The following PACSIN2 variants were observed in gnomAD, a reference collection of about 807,000 sequenced individuals.
The protein encoded by PACSIN2 is protein kinase C and casein kinase substrate in neurons protein 2.
PACSIN2 carries 25 observed loss-of-function variants against 63.8 expected under a neutral mutation model. The ratio of observed to expected loss-of-function variants is 0.39; its 90% CI spans 0.29 to 0.55. PACSIN2 has a LOEUF of 0.55. Among genes scored for constraint, PACSIN2 ranks in the 20% least tolerant of loss-of-function variants. The probability of loss-of-function intolerance (pLI) is 0.62; values close to 1 mark genes in which losing one functional copy is unlikely to be tolerated. For missense variants in PACSIN2, 518 were observed against 646.9 expected (o/e 0.80, Z 2.16); for synonymous variants, 255 against 256.2 (o/e 1.00, Z 0.05).
chr22:42,958,461 C>T (rs1934003276), intron 1 of PACSIN2, among the ~76,000 whole-genome samples: 1 of 152,110 alleles, frequency 6.6e-6, no homozygotes, highest in African/African-American at 2.4e-5. Context: ...AATCTCATAC[C>T]TGTAAAAATG....
At chr22:42,878,650 A>C (rs892789215) in intron 8 of PACSIN2, among the ~76,000 whole-genome samples, 1 of 152,168 alleles carries the variant, frequency 6.6e-6, no homozygotes, top group Non-Finnish European at 1.5e-5. Context: ...GTGAGCATGA[A>C]CCTCGGCAGG....
intron 1 of PACSIN2, among the ~76,000 whole-genome samples, chr22:43,010,360 G>C (rs775322804): frequency 9.7e-5 from 13 of 134,250 alleles, no homozygotes; most frequent in Non-Finnish European, 2.0e-4. Context: ...CAAACATGGC[G>C]GAATCCCATC....
chr22:42,888,171 C>T (rs949611639), intron 5 of PACSIN2, among the ~76,000 whole-genome samples: 2 of 152,148 alleles, frequency 1.3e-5, no homozygotes, highest in African/African-American at 2.4e-5. Context: ...TGGTCAGCAG[C>T]ATCCTAAGCT....
intron 1 of PACSIN2, among the ~76,000 whole-genome samples, chr22:42,937,862 G>A (rs1043463975): frequency 6.6e-6 from 1 of 152,154 alleles, no homozygotes. Flanking sequence ...CCCCGCAGGG[G>A]GACCCTTCTC....
chr22:42,971,078 A>T (rs1921222545), intron 1 of PACSIN2, among the ~76,000 whole-genome samples: 1 of 152,074 alleles, frequency 6.6e-6, no homozygotes, highest in Admixed American at 6.5e-5. Context: ...ATTACAAACC[A>T]CCATGATAAA....
intron 1 of PACSIN2, among the ~76,000 whole-genome samples, chr22:42,988,415 C>T (rs1922784214): frequency 6.6e-6 from 1 of 152,202 alleles, no homozygotes; most frequent in Non-Finnish European, 1.5e-5. Context: ...CAAGGTACAA[C>T]TCAACCTTCT....
intron 1 of PACSIN2, among the ~76,000 whole-genome samples, chr22:42,989,867 A>AAT (rs72245261): frequency 0.01 from 1,314 of 125,152 alleles, 19 homozygotes; most frequent in African/African-American, 0.038. Flanking sequence ...GGGAAAAAAA[A>AAT]ATATATATAT....
Position 42,876,117 on chromosome 22 carries a change from T to G in PACSIN2, c.1348+20A>C. 1 of 1,597,418 alleles carries G rather than the reference T, an allele frequency of 6.3e-7. No individual in the cohort carries two copies. Among genetic ancestry groups the G allele is most frequent in the Non-Finnish European group, 8.6e-7 (1 of 1,166,048 alleles). ...AGGTTGGAAGCCCTCCTCCCCTGGA[T>G]GCTGGGGGAGCCCACCTACCAGCCT... On this transcript the variant is annotated intron_variant, in intron 10 of 10. Coordinates refer to ENST00000263246, the MANE Select transcript of PACSIN2 (RefSeq NM_001184970.3).
intron 1 of PACSIN2, among the ~76,000 whole-genome samples, chr22:43,008,872 A>G (rs1288740209): frequency 6.6e-6 from 1 of 152,280 alleles, no homozygotes; most frequent in Admixed American, 6.5e-5. Flanking sequence ...GCAACTGAGA[A>G]GTAGTCATTT....
intron 1 of PACSIN2, among the ~76,000 whole-genome samples, chr22:42,935,288 C>G (rs73176872): frequency 6.6e-6 from 1 of 152,066 alleles, no homozygotes; most frequent in African/African-American, 2.4e-5. Flanking sequence ...TCCTGATTAT[C>G]GAGGACCTGC....
chr22:43,005,834 T>C (rs1924056084), intron 1 of PACSIN2, among the ~76,000 whole-genome samples: 1 of 152,100 alleles, frequency 6.6e-6, no homozygotes, highest in Admixed American at 6.5e-5. Flanking sequence ...GGACTGCATG[T>C]ATGGATCCCC....
At chr22:42,930,037 A>AT (rs1039829417) in intron 1 of PACSIN2, among the ~76,000 whole-genome samples, 4 of 152,132 alleles carry the variant, frequency 2.6e-5, no homozygotes, top group African/African-American at 9.7e-5. Flanking sequence ...CATGGAGTTT[A>AT]TTTTTGTGTC....
At chr22:42,986,345 C>T (rs182161696) in intron 1 of PACSIN2, among the ~76,000 whole-genome samples, 1 of 152,158 alleles carries the variant, frequency 6.6e-6, no homozygotes, top group Non-Finnish European at 1.5e-5. Flanking sequence ...AAAAGCGCAG[C>T]GGCCCCCAAA....
At chr22:42,872,552 A>T (rs912917767) in intron 10 of PACSIN2, among the ~76,000 whole-genome samples, 3 of 152,230 alleles carry the variant, frequency 2.0e-5, no homozygotes, top group African/African-American at 7.2e-5. Context: ...TTTGTATGGC[A>T]GCAATGCTGG....
intron 1 of PACSIN2, among the ~76,000 whole-genome samples, chr22:42,980,493 C>T (rs1922015508): frequency 7.0e-6 from 1 of 143,440 alleles, no homozygotes; most frequent in African/African-American, 2.6e-5. Flanking sequence ...TCCCCCTCCC[C>T]CTCCCCCTCT....
intron 1 of PACSIN2, among the ~76,000 whole-genome samples, chr22:42,935,896 T>A (rs565916554): frequency 6.6e-6 from 1 of 152,204 alleles, no homozygotes; most frequent in Admixed American, 6.5e-5. Flanking sequence ...GTACATTCTA[T>A]CACTTCATTC....
chr22:42,876,607 G>A (rs1602165397), intron 9 of PACSIN2, among the ~76,000 whole-genome samples: 1 of 152,236 alleles, frequency 6.6e-6, no homozygotes, highest in South Asian at 2.1e-4. Context: ...ACTGCGCGTT[G>A]TCTGTTTTCC....
At chr22:43,012,814 C>G (rs560879358) in intron 1 of PACSIN2, among the ~76,000 whole-genome samples, 1 of 152,100 alleles carries the variant, frequency 6.6e-6, no homozygotes, top group Non-Finnish European at 1.5e-5. Context: ...ACCACCACAC[C>G]CAGCTAATTT....
intron 1 of PACSIN2, among the ~76,000 whole-genome samples, chr22:43,001,855 A>G (rs2038061): frequency 0.68 from 102,758 of 152,014 alleles, 36,437 homozygotes; most frequent in African/African-American, 0.88. Flanking sequence ...CACTAAGGTC[A>G]GCTGGCCTGA....
Sources: allele counts gnomAD v4.1 joint callset (sites outside exome capture counted in the v4.1 genomes callset), GRCh38; gene constraint gnomAD v4.1.1; transcripts MANE v1.5; gene names NCBI Gene and HGNC (gene_info 2026-07-23, HGNC 2026-07-21).